SMAD6: variants seen among roughly 807,000 people sequenced by gnomAD.
SMAD6 encodes MAD homolog 6.
Under a neutral mutation model 39.4 loss-of-function variants are expected in SMAD6, and 103 were observed. The observed-to-expected ratio is 2.62, with a 90% confidence interval of 2.23 to 3.08. The LOEUF is 3.08. SMAD6 is among the 30% of genes most tolerant of loss of function. The pLI is 0.00. For synonymous variants in SMAD6, 445 were observed against 353.3 expected (o/e 1.26, Z -2.91); for missense variants, 1,104 against 742.9 (o/e 1.49, Z -5.65).
chr15:66,763,827 G>A (rs1458241939), intron 3 of SMAD6, among the ~76,000 whole-genome samples: 3 of 152,250 alleles, frequency 2.0e-5, no homozygotes, highest in Admixed American at 6.5e-5. Flanking sequence ...GGAAAAGCCC[G>A]AGTTGGCAGA....
At chr15:66,745,553 G>A (rs1893892814) in intron 3 of SMAD6, among the ~76,000 whole-genome samples, 1 of 152,190 alleles carries the variant, frequency 6.6e-6, no homozygotes, top group Non-Finnish European at 1.5e-5. Flanking sequence ...TTTTACATTG[G>A]CACAAACACC....
chr15:66,751,368 C>T (rs766609593), intron 3 of SMAD6, among the ~76,000 whole-genome samples: 1 of 152,224 alleles, frequency 6.6e-6, no homozygotes, highest in Non-Finnish European at 1.5e-5. Context: ...AGTCCATGAA[C>T]AGTGCCTAGT....
chr15:66,727,887 T>C (rs1362639510), intron 3 of SMAD6, among the ~76,000 whole-genome samples: 1 of 152,024 alleles, frequency 6.6e-6, no homozygotes, highest in Non-Finnish European at 1.5e-5. Flanking sequence ...AGTGTTGCTC[T>C]TGTTGCCCAG....
intron 3 of SMAD6, among the ~76,000 whole-genome samples, chr15:66,733,874 A>T (rs1388658141): frequency 6.6e-6 from 1 of 152,206 alleles, no homozygotes; most frequent in Admixed American, 6.5e-5. Flanking sequence ...TGTTCACATA[A>T]ACTGCAGGAT....
chr15:66,781,571 C>T lies in SMAD6; in HGVS notation c.*36C>T, dbSNP rs1317992432. 2.1e-6 allele frequency: 3 copies of T among 1,440,970 alleles called. No individual in the cohort carries two copies. The highest frequency in any genetic ancestry group is 2.7e-6 in the Non-Finnish European group (3 of 1,097,752). 89.3% of individuals were successfully genotyped at this position (1,440,970 alleles called of 1,614,324 possible). A position where few individuals can be genotyped will look rare whatever the true frequency, so the allele number is the denominator to read the frequency against. On this transcript the variant is annotated 3_prime_UTR_variant, in exon 4 of 4. Coordinates refer to ENST00000288840, the MANE Select transcript of SMAD6 (RefSeq NM_005585.5). ...GGCGGGAGGGGCGGGTGGGAGGCCGCGGCCACCGCCACCTGCCGGCCTCGA... is the reference window on the plus strand; with the variant it reads ...GGCGGGAGGGGCGGGTGGGAGGCCGTGGCCACCGCCACCTGCCGGCCTCGA...
At chr15:66,709,014 G>A (rs1294628002) in intron 1 of SMAD6, among the ~76,000 whole-genome samples, 1 of 152,220 alleles carries the variant, frequency 6.6e-6, no homozygotes, top group Non-Finnish European at 1.5e-5. Context: ...ACCTTCATGT[G>A]TGGCCTTGGG....
intron 3 of SMAD6, among the ~76,000 whole-genome samples, chr15:66,720,236 CT>C (rs35007669): frequency 0.21 from 30,202 of 144,764 alleles, 3,236 homozygotes; most frequent in African/African-American, 0.31. Flanking sequence ...GGTAGGCAAA[CT>C]TTTTTTTTTT....
At chr15:66,745,740 C>G (rs1019117936) in intron 3 of SMAD6, among the ~76,000 whole-genome samples, 1 of 152,212 alleles carries the variant, frequency 6.6e-6, no homozygotes, top group Non-Finnish European at 1.5e-5. Flanking sequence ...TGCTGTGTGA[C>G]CTTGGACAAG....
At chr15:66,730,323 C>T (rs1480290691) in intron 3 of SMAD6, among the ~76,000 whole-genome samples, 2 of 152,194 alleles carry the variant, frequency 1.3e-5, no homozygotes, top group Admixed American at 6.5e-5. Context: ...TCTGATTTGT[C>T]GGTAAGGTTC....
At chr15:66,724,326 A>G (rs1250251563) in intron 3 of SMAD6, among the ~76,000 whole-genome samples, 1 of 152,154 alleles carries the variant, frequency 6.6e-6, no homozygotes, top group African/African-American at 2.4e-5. Context: ...GAATGAATGA[A>G]TTTTTGCCTG....
intron 3 of SMAD6, among the ~76,000 whole-genome samples, chr15:66,725,034 C>T (rs556241647): frequency 1.3e-5 from 2 of 152,354 alleles, no homozygotes; most frequent in Admixed American, 6.5e-5. Context: ...CCTATCCCCA[C>T]TGGCATGCTT....
intron 3 of SMAD6, among the ~76,000 whole-genome samples, chr15:66,725,794 G>T: frequency 6.6e-6 from 1 of 152,238 alleles, no homozygotes; most frequent in Non-Finnish European, 1.5e-5. Context: ...GGTTGGAGTG[G>T]GTACAGCTGT....
intron 3 of SMAD6, among the ~76,000 whole-genome samples, chr15:66,765,604 A>G (rs1894274599): frequency 6.6e-6 from 1 of 152,066 alleles, no homozygotes; most frequent in East Asian, 1.9e-4. Context: ...CATTGATTTC[A>G]CTGATTACTC....
At chr15:66,762,615 G>A (rs952505158) in intron 3 of SMAD6, among the ~76,000 whole-genome samples, 5 of 152,002 alleles carry the variant, frequency 3.3e-5, no homozygotes. Flanking sequence ...GTTCTTGGTG[G>A]GTCTTCACAA....
chr15:66,703,509 G>T lies in SMAD6; in HGVS notation c.251G>T (p.Arg84Leu). The change falls in exon 1 of 4, where the codon CGG (arginine) becomes CTG (leucine). Residue 84 changes from arginine to leucine, a missense_variant. Arg to Leu is a moderately radical substitution (Grantham distance 102). Transcript: ENST00000288840. ...QRGAQGAGRR[R>L]RAGGPPRPMS... The stretch of plus-strand genomic sequence containing the variant: ...GGCGCCCAGGGCGCGGGGAGGCGCC[G>T]GCGCGCAGGGGGCCCCCCGAGGCCC... 1.6e-6 allele frequency: 2 copies of T among 1,223,576 alleles called. No homozygotes were observed. The highest frequency in any genetic ancestry group is 3.2e-4 in the Middle Eastern group (1 of 3,102). The allele number at this position is 1,223,576 out of a possible 1,614,324, so 75.8% of individuals were successfully genotyped here. A position where few individuals can be genotyped will look rare whatever the true frequency, so the allele number is the denominator to read the frequency against.
In SMAD6 at chr15:66,711,708, C is replaced by T. The variant is rs141679164; in HGVS notation, c.858C>T (p.Asp286=). The change falls in exon 2 of 4, where the codon GAC becomes GAT. Residue 286 remains aspartate, a synonymous_variant. Transcript: ENST00000288840. ...CCTACTCTCGGCTGTCTCCTCGCGA[C>T]GAGTACAAGCCACTGGGTAAGTGTG... ...PPPYSRLSPR[D]EYKPLDLSDS... 6.3e-5 allele frequency: 101 copies of T among 1,613,222 alleles called. No homozygotes were observed. The African/African-American group carries it at 7.1e-4, about 11-fold the overall frequency.
At chr15:66,746,323 C>G (rs1893907235) in intron 3 of SMAD6, among the ~76,000 whole-genome samples, 1 of 152,206 alleles carries the variant, frequency 6.6e-6, no homozygotes. Context: ...ATAGGCTCTC[C>G]TCCTCCCTCC....
chr15:66,779,153 T>TG (rs1349930884), intron 3 of SMAD6, among the ~76,000 whole-genome samples: 2 of 152,096 alleles, frequency 1.3e-5, no homozygotes, highest in East Asian at 3.9e-4. Context: ...GCTCAGAGTC[T>TG]GGCTGTTCCC....
chr15:66,780,109 C>CG (rs1292016779), intron 3 of SMAD6, among the ~76,000 whole-genome samples: 1 of 152,206 alleles, frequency 6.6e-6, no homozygotes, highest in Admixed American at 6.5e-5. Context: ...GCAGCACACA[C>CG]CTTCAATTGC....
Sources: gnomAD v4.1 joint callset for allele counts (sites outside exome capture counted in the v4.1 genomes callset) on GRCh38, gnomAD v4.1.1 for gene constraint, MANE v1.5 for transcripts, NCBI Gene and HGNC (gene_info 2026-07-23, HGNC 2026-07-21) for gene names.